The following TCTA variants were observed in gnomAD, a reference collection of about 807,000 sequenced individuals.
TCTA encodes the protein T-cell leukemia translocation-altered gene protein.
A neutral mutation model predicts 13.5 loss-of-function variants in TCTA; 13 were observed. The ratio of observed to expected loss-of-function variants is 0.96; its 90% CI spans 0.63 to 1.53. The LOEUF (loss-of-function observed/expected upper bound fraction) is 1.53, where lower values mean the gene tolerates loss of function less well. TCTA is among the 40% of genes most tolerant of loss of function. The pLI is 0.00. For synonymous variants in TCTA, 58 were observed against 59.0 expected (o/e 0.98, Z 0.08); for missense variants, 138 against 131.3 (o/e 1.05, Z -0.25).
rs965785618 is a variant in TCTA at position 49,415,784 on chromosome 3, C to T, written c.*922C>T. The T allele has an allele frequency of 7.2e-5, 11 of 152,312 alleles. No individual in the cohort carries two copies. The highest frequency in any genetic ancestry group is 2.7e-4 in the African/African-American group (11 of 41,436). The allele number at this position is 152,312 out of a possible 1,614,324, so 9.4% of individuals were successfully genotyped here. A position where few individuals can be genotyped will look rare whatever the true frequency, so the allele number is the denominator to read the frequency against. On this transcript the variant is annotated 3_prime_UTR_variant, in exon 3 of 3. Transcript: ENST00000273590. ...ATACCTGGCCCAACCAGACTTCTCC[C>T]GTGAGCCAGGCAAAGGAAATTGTCA...
intron 1 of TCTA, 25 bp from the exon 2 acceptor site, chr3:49,413,031 G>C: frequency 1.9e-6 from 3 of 1,613,640 alleles, no homozygotes; most frequent in Non-Finnish European, 8.5e-7. Flanking sequence ...GCCTTCTGCA[G>C]CTCTGGATGT....
At chr3:49,412,910 C>T (rs1355190084) in intron 1 of TCTA, 146 bp from the exon 2 acceptor site, 2 of 821,548 alleles carry the variant, frequency 2.4e-6, no homozygotes, top group Non-Finnish European at 3.9e-6. Context: ...TTCCTCAGAA[C>T]TCTCACCTGG....
At position 49,415,199 on chromosome 3, in the gene TCTA, C is replaced by G. The variant is rs766371165; in HGVS notation, c.*337C>G. On this transcript the variant is annotated 3_prime_UTR_variant, in exon 3 of 3. Coordinates refer to ENST00000273590, the MANE Select transcript of TCTA (RefSeq NM_022171.3). ...TTTCTTTTCCTGTCCCTCTTCCATC[C>G]CCAAGATGTGACCCCATAAAAATTT... 5.9e-5 allele frequency: 13 copies of G among 220,314 alleles called. No individual in the cohort carries two copies. Among genetic ancestry groups the G allele is most frequent in the Non-Finnish European group, 1.0e-4 (11 of 109,940 alleles). The allele number at this position is 220,314 out of a possible 1,614,324, so 13.6% of individuals were successfully genotyped here. A position where few individuals can be genotyped will look rare whatever the true frequency, so the allele number is the denominator to read the frequency against.
chr3:49,412,888 A>C, intron 1 of TCTA, 168 bp from the exon 2 acceptor site: 1 of 742,088 alleles, frequency 1.3e-6, no homozygotes, highest in Non-Finnish European at 2.2e-6. Flanking sequence ...TCCACCCATC[A>C]CATTGTATCT....
chr3:49,415,141 G>A lies in TCTA; in HGVS notation c.*279G>A, dbSNP rs1003348157. ...GGGGTGATAACTCAGGAAGCCTCTG[G>A]GTTGGGAAGACCATCAGTTCTTTTG... On this transcript the variant is annotated 3_prime_UTR_variant, in exon 3 of 3. Coordinates refer to ENST00000273590, the MANE Select transcript of TCTA (RefSeq NM_022171.3). The A allele has an allele frequency of 2.7e-6, 1 of 373,838 alleles. No homozygotes were observed. Among genetic ancestry groups the A allele is most frequent in the African/African-American group, 2.1e-5 (1 of 48,204 alleles). The allele number at this position is 373,838 out of a possible 1,614,324, so 23.2% of individuals were successfully genotyped here.
intron 2 of TCTA, among the ~76,000 whole-genome samples, chr3:49,414,604 C>T (rs539766580): frequency 1.3e-5 from 2 of 152,124 alleles, no homozygotes; most frequent in South Asian, 2.1e-4. Flanking sequence ...ATGGCAATGC[C>T]GTACTAACAT....
At chr3:49,414,269 C>T (rs1435647612) in intron 2 of TCTA, among the ~76,000 whole-genome samples, 1 of 151,900 alleles carries the variant, frequency 6.6e-6, no homozygotes, top group Admixed American at 6.6e-5. Flanking sequence ...GGCATGGTGG[C>T]TCACGCCTGT....
Position 49,414,878 on chromosome 3 carries a change from G to A in TCTA, c.*16G>A, listed in dbSNP as rs774757951. On this transcript the variant is annotated 3_prime_UTR_variant, in exon 3 of 3. Transcript: ENST00000273590. The stretch of plus-strand genomic sequence containing the variant: ...CAGAGAATAAGGGAAGGCAGCAGAG[G>A]GTCTCCAAGGGCATCACTGGGTCTG... The A allele has an allele frequency of 5.6e-6, 9 of 1,613,926 alleles. No individual in the cohort carries two copies. In the South Asian group the frequency reaches 6.6e-5, roughly 12 times the overall value.
intron 1 of TCTA, 177 bp from the exon 2 acceptor site, chr3:49,412,879 C>G (rs936991774): frequency 1.8e-5 from 13 of 726,494 alleles, no homozygotes; most frequent in Non-Finnish European, 2.7e-5. Flanking sequence ...CCCCACCAGT[C>G]CACCCATCAC....
At position 49,415,451 on chromosome 3, in the gene TCTA, G is replaced by C. The variant is rs1048675112; in HGVS notation, c.*589G>C. The C allele has an allele frequency of 6.5e-6, 1 of 153,472 alleles. No homozygotes were observed. Among genetic ancestry groups the C allele is most frequent in the Non-Finnish European group, 1.5e-5 (1 of 68,836 alleles). 9.5% of individuals were successfully genotyped at this position (153,472 alleles called of 1,614,324 possible). Reference sequence around the variant, plus strand: ...GATTTGCTTGAACCTGGGAGGCAGAGGTTGCAGTGAGCCAAGATTGCGCCG... The same window carrying C: ...GATTTGCTTGAACCTGGGAGGCAGACGTTGCAGTGAGCCAAGATTGCGCCG... On this transcript the variant is annotated 3_prime_UTR_variant, in exon 3 of 3. Coordinates refer to ENST00000273590, the MANE Select transcript of TCTA (RefSeq NM_022171.3).
Position 49,414,955 on chromosome 3 carries a change from G to C in TCTA, c.*93G>C. 6.5e-7 allele frequency: 1 copy of C among 1,529,802 alleles called. No homozygotes were observed. The highest frequency in any genetic ancestry group is 9.0e-7 in the Non-Finnish European group (1 of 1,111,474). The allele number at this position is 1,529,802 out of a possible 1,614,324, so 94.8% of individuals were successfully genotyped here. ...TCCCCAGACCTCAGGGACAACTGCC[G>C]GGGGTTCAGGGTTGGTAGCAGGGAG... On this transcript the variant is annotated 3_prime_UTR_variant, in exon 3 of 3. Transcript: ENST00000273590.
rs2048990079 is a variant in TCTA, at chr3:49,415,116, G to A, written c.*254G>A. On this transcript the variant is annotated 3_prime_UTR_variant, in exon 3 of 3. Transcript: ENST00000273590. ...GAGAGATTGTGTTCTTCCTCTCTCA[G>A]GGGTGATAACTCAGGAAGCCTCTGG... is the stretch of plus-strand genomic sequence containing the variant. 6.4e-6 allele frequency: 3 copies of A among 469,162 alleles called. No homozygotes were observed. The highest frequency in any genetic ancestry group is 2.0e-5 in the African/African-American group (1 of 50,754). 29.1% of individuals were successfully genotyped at this position (469,162 alleles called of 1,614,324 possible). A position where few individuals can be genotyped will look rare whatever the true frequency, so the allele number is the denominator to read the frequency against.
chr3:49,412,822 T>C (rs1369189314), intron 1 of TCTA, 182 bp downstream of exon 1: 2 of 798,012 alleles, frequency 2.5e-6, no homozygotes, highest in Non-Finnish European at 3.9e-6. Flanking sequence ...TGGGAGAACT[T>C]AACGTTGTGC....
At position 49,414,869 on chromosome 3, in the gene TCTA, G is replaced by A; in HGVS notation, c.*7G>A. On this transcript the variant is annotated 3_prime_UTR_variant, in exon 3 of 3. Transcript: ENST00000273590. ...CAAAACCCACAGAGAATAAGGGAAG[G>A]CAGCAGAGGGTCTCCAAGGGCATCA... 1 of 1,613,970 alleles carries A rather than the reference G, an allele frequency of 6.2e-7. No individual in the cohort carries two copies.
At chr3:49,412,667 G>A (rs1328158746) in intron 1 of TCTA, 27 bp downstream of exon 1, 16 of 1,607,728 alleles carry the variant, frequency 1.0e-5, no homozygotes, top group Non-Finnish European at 1.4e-5. Context: ...ACCTCCGTGG[G>A]CTGGCCGCCC....
chr3:49,412,726 C>G, intron 1 of TCTA, 86 bp downstream of exon 1: 1 of 1,458,410 alleles, frequency 6.9e-7, no homozygotes, highest in Non-Finnish European at 9.5e-7. Flanking sequence ...CACTATCCTG[C>G]AAGAGGCTCA....
At position 49,412,918 on chromosome 3, in the gene TCTA, T is replaced by C. The variant is rs1285559859; in HGVS notation, c.215-138T>C. 11 of 853,812 alleles carry C rather than the reference T, an allele frequency of 1.3e-5. No homozygotes were observed. In the East Asian group the frequency reaches 2.7e-4, roughly 21 times the overall value. 52.9% of individuals were successfully genotyped at this position (853,812 alleles called of 1,614,324 possible). ...GTATCTGTTCCTCAGAACTCTCACC[T>C]GGCAATACCATTAGTCCCTTAGGAC... On this transcript the variant is annotated intron_variant, in intron 1 of 2. Transcript: ENST00000273590.
chr3:49,414,605 G>A (rs779252393), intron 2 of TCTA, among the ~76,000 whole-genome samples: 13 of 152,146 alleles, frequency 8.5e-5, no homozygotes, highest in Non-Finnish European at 1.6e-4. Flanking sequence ...TGGCAATGCC[G>A]TACTAACATG....
chr3:49,415,591 C>G lies in TCTA; in HGVS notation c.*729C>G, dbSNP rs1003787257. 6.6e-6 allele frequency: 1 copy of G among 152,302 alleles called. No homozygotes were observed. The highest frequency in any genetic ancestry group is 1.5e-5 in the Non-Finnish European group (1 of 68,116). 9.4% of individuals were successfully genotyped at this position (152,302 alleles called of 1,614,324 possible). On this transcript the variant is annotated 3_prime_UTR_variant, in exon 3 of 3. Transcript: ENST00000273590. ...GTTTGTAAGGCAGGTCTGTTTTCTC[C>G]TAGGCCCTGAGTTTTCTGAATCTCT...
Sources: allele counts gnomAD v4.1 joint callset (sites outside exome capture counted in the v4.1 genomes callset), GRCh38; gene constraint gnomAD v4.1.1; transcripts MANE v1.5; gene names NCBI Gene and HGNC (gene_info 2026-07-23, HGNC 2026-07-21).